RBFOX3: variants seen among roughly 807,000 people sequenced by gnomAD.
The protein encoded by RBFOX3 is RNA binding protein fox-1 homolog 3.
RBFOX3 carries 17 observed loss-of-function variants against 48.7 expected under a neutral mutation model. The ratio of observed to expected loss-of-function variants is 0.35; its 90% confidence interval spans 0.24 to 0.52. The LOEUF (loss-of-function observed/expected upper bound fraction) is 0.52. RBFOX3 is among the 20% of genes least tolerant of loss of function. The pLI is 0.94. For synonymous variants in RBFOX3, 212 were observed against 209.5 expected (o/e 1.01, Z -0.10); for missense variants, 382 against 497.5 (o/e 0.77, Z 2.21).
chr17:79,440,657 G>A lies in RBFOX3; in HGVS notation c.-175+41797C>T, dbSNP rs113950520. On this transcript the variant is annotated intron_variant, in intron 2 of 14. Coordinates refer to ENST00000693108, the MANE Select transcript of RBFOX3 (RefSeq NM_001350451.2). ...CTCTGGACCCCGGACCATGCCCCTC[G>A]CACCCCAACTGTGAGAAAGCCTCAC... Among the ~76,000 whole-genome samples the A allele has an allele frequency of 8.8e-3, 1,340 of 152,178 alleles. 21 individuals carry two copies. Among genetic ancestry groups the A allele is most frequent in the African/African-American group, 0.031 (1,278 of 41,494 alleles).
chr17:79,521,083 T>TG (rs1178874008), intron 1 of RBFOX3, among the ~76,000 whole-genome samples: 4 of 152,220 alleles, frequency 2.6e-5, no homozygotes, highest in Non-Finnish European at 5.9e-5. Context: ...GCAAAGAGGA[T>TG]GGGGGGCATG....
At chr17:79,219,705 C>T (rs989198262) in intron 4 of RBFOX3, among the ~76,000 whole-genome samples, 5 of 152,022 alleles carry the variant, frequency 3.3e-5, no homozygotes, top group African/African-American at 9.7e-5. Flanking sequence ...CTCAGAGCTC[C>T]GGGGAGGTCG....
At chr17:79,576,725 G>A (rs2092875575) in intron 1 of RBFOX3, among the ~76,000 whole-genome samples, 1 of 152,074 alleles carries the variant, frequency 6.6e-6, no homozygotes, top group African/African-American at 2.4e-5. Flanking sequence ...AGATCATGCA[G>A]AAGATGGAGA....
intron 2 of RBFOX3, among the ~76,000 whole-genome samples, chr17:79,420,368 A>C (rs2066107827): frequency 6.6e-6 from 1 of 152,192 alleles, no homozygotes; most frequent in Non-Finnish European, 1.5e-5. Context: ...TGCAGCACCA[A>C]GTCAGGGACT....
chr17:79,414,433 C>T (rs1196119843), intron 2 of RBFOX3, among the ~76,000 whole-genome samples: 6 of 152,120 alleles, frequency 3.9e-5, no homozygotes, highest in African/African-American at 1.4e-4. Context: ...ACACAACTTC[C>T]CCACAAAGCC....
At chr17:79,305,504 C>G in intron 3 of RBFOX3, among the ~76,000 whole-genome samples, 1 of 152,218 alleles carries the variant, frequency 6.6e-6, no homozygotes. Context: ...GGGCAGAGCC[C>G]TGCCCCCTTG....
chr17:79,539,122 CAGG>C (rs549215311), intron 1 of RBFOX3, among the ~76,000 whole-genome samples: 97 of 152,188 alleles, frequency 6.4e-4, no homozygotes, highest in African/African-American at 2.3e-3. Context: ...GAGGCTGAGG[CAGG>C]AGGATTGCTT....
At chr17:79,284,095 G>A (rs534823169) in intron 3 of RBFOX3, among the ~76,000 whole-genome samples, 46 of 147,344 alleles carry the variant, frequency 3.1e-4, no homozygotes, top group Admixed American at 6.1e-4. Flanking sequence ...TCATTTGCCT[G>A]TTTCAGTACT....
chr17:79,480,796 C>A lies in RBFOX3; in HGVS notation c.-175+1658G>T, dbSNP rs1467562037. ...TGTCCTGGGCAACTGCAGCCCCCAC[C>A]ATTCCCCGTGGTCTTAATGCACTGC... On this transcript the variant is annotated intron_variant, in intron 2 of 14. Coordinates refer to ENST00000693108, the MANE Select transcript of RBFOX3 (RefSeq NM_001350451.2). This position sits in a 1 kb window ranked among gnomAD's most constrained non-coding sequence, Gnocchi z 4.8. 2.6e-5 allele frequency among the ~76,000 whole-genome samples: 4 copies of A among 152,240 alleles called. No individual in the cohort carries two copies. The highest frequency in any genetic ancestry group is 4.4e-5 in the Non-Finnish European group (3 of 68,046).
rs941091390 is a variant in RBFOX3, at chr17:79,249,275, G to A, written c.-73-13470C>T. On this transcript the variant is annotated intron_variant, in intron 3 of 14. Transcript: ENST00000693108. The surrounding 1 kb of genome is among the most constrained non-coding windows in gnomAD (Gnocchi z 4.1). ...GTGCTTGGGCTGCGGATTCTGGCTA[G>A]TGAGATGCTGAGCTGTGAACAAAGT... Among the ~76,000 whole-genome samples the A allele has an allele frequency of 1.2e-4, 18 of 152,176 alleles. No homozygotes were observed. The highest frequency in any genetic ancestry group is 4.3e-4 in the African/African-American group (18 of 41,440).
In RBFOX3 at chr17:79,186,475, C is replaced by A. The variant is rs189592144; in HGVS notation, c.-34+49291G>T. Among the ~76,000 whole-genome samples the A allele has an allele frequency of 4.4e-4, 67 of 152,298 alleles. 1 individual carries two copies. In the East Asian group the frequency reaches 0.012, roughly 28 times the overall value. The stretch of plus-strand genomic sequence containing the variant: ...CACCTCCTACCTCCAGTACCTGGCA[C>A]CAGGGCGGTACGAAGCTTTTCAGAT... On this transcript the variant is annotated intron_variant, in intron 4 of 14. Coordinates refer to ENST00000693108, the MANE Select transcript of RBFOX3 (RefSeq NM_001350451.2).
chr17:79,099,835 C>T (rs2076088066), intron 9 of RBFOX3: 2 of 152,246 alleles, frequency 1.3e-5, no homozygotes, highest in African/African-American at 4.8e-5. Context: ...CTGGGCAAAC[C>T]TGGTGGGTTT....
intron 3 of RBFOX3, among the ~76,000 whole-genome samples, chr17:79,247,310 A>ATATTT (rs769318981): frequency 1.5e-4 from 17 of 116,558 alleles, no homozygotes; most frequent in African/African-American, 4.9e-4. Flanking sequence ...ACATAATCGT[A>ATATTT]TTTTTTTTTT....
the RBFOX3 span, among the ~76,000 whole-genome samples, chr17:79,642,223 TGAG>T: frequency 6.6e-6 from 1 of 151,796 alleles, no homozygotes; most frequent in African/African-American, 2.4e-5. Flanking sequence ...TGGGAGGAAA[TGAG>T]GAGGTGTTGG....
At chr17:79,265,226 G>A (rs956945015) in intron 3 of RBFOX3, among the ~76,000 whole-genome samples, 1 of 152,192 alleles carries the variant, frequency 6.6e-6, no homozygotes, top group East Asian at 1.9e-4. Context: ...ATGAAACCAG[G>A]TTTCATGAGC....
chr17:79,150,655 G>A (rs2044214235), intron 4 of RBFOX3, among the ~76,000 whole-genome samples: 1 of 152,128 alleles, frequency 6.6e-6, no homozygotes, highest in Non-Finnish European at 1.5e-5. Context: ...GGCCAGGCCT[G>A]CCAGGGGCAG....
intron 1 of RBFOX3, among the ~76,000 whole-genome samples, chr17:79,496,253 C>T (rs1291446670): frequency 6.6e-6 from 1 of 151,980 alleles, no homozygotes; most frequent in South Asian, 2.1e-4. Flanking sequence ...CATTCCTTGG[C>T]GTCCTGTTAC....
chr17:79,245,731 G>A (rs547452505), intron 3 of RBFOX3, among the ~76,000 whole-genome samples: 2 of 150,834 alleles, frequency 1.3e-5, no homozygotes, highest in Admixed American at 6.6e-5. Context: ...GGGTTCAAGC[G>A]ATTCTTCTGC....
chr17:79,413,415 T>A (rs954087818), intron 2 of RBFOX3, among the ~76,000 whole-genome samples: 20 of 152,210 alleles, frequency 1.3e-4, no homozygotes, highest in Admixed American at 2.6e-4. Flanking sequence ...TTTCCATGGA[T>A]GTGGGGAGGA....
Sources: gnomAD v4.1 joint callset for allele counts (sites outside exome capture counted in the v4.1 genomes callset) on GRCh38, gnomAD v4.1.1 for gene constraint, Gnocchi (gnomAD v3.1) non-coding constraint, MANE v1.5 for transcripts, NCBI Gene and HGNC (gene_info 2026-07-23, HGNC 2026-07-21) for gene names.